NAV2: variants seen among roughly 807,000 people sequenced by gnomAD.
The protein encoded by NAV2 is neuron navigator 2.
In NAV2, 54 loss-of-function variants were observed where a neutral mutation model predicts 223.2. The ratio of observed to expected loss-of-function variants is 0.24; its 90% CI spans 0.19 to 0.30. The LOEUF (loss-of-function observed/expected upper bound fraction) is 0.30. Ranked by LOEUF, NAV2 falls within the 10% of genes least tolerant of loss-of-function variation. The pLI is 1.00. For synonymous variants in NAV2, 1,279 were observed against 1,239.3 expected, an observed-to-expected ratio of 1.03 and a Z score of -0.67; for missense variants, 2,806 against 3,147.5, an observed-to-expected ratio of 0.89 and a Z score of 2.60.
At chr11:19,639,305 G>T (rs183008677) in intron 1 of NAV2, among the ~76,000 whole-genome samples, 3 of 152,284 alleles carry the variant, frequency 2.0e-5, no homozygotes, top group Non-Finnish European at 4.4e-5. Context: ...TGGTAACCAG[G>T]CATGCTTATG....
intron 6 of NAV2, among the ~76,000 whole-genome samples, chr11:19,918,524 T>G (rs1882529): frequency 0.39 from 59,456 of 152,094 alleles, 12,263 homozygotes; most frequent in Non-Finnish European, 0.46. Context: ...ATGCCTGCTG[T>G]GTGAGCAGAG....
chr11:19,786,602 G>A (rs2057136250), intron 1 of NAV2, among the ~76,000 whole-genome samples: 1 of 152,192 alleles, frequency 6.6e-6, no homozygotes, highest in Admixed American at 6.5e-5. Flanking sequence ...TTTTTGCCAG[G>A]TCAGATTAGA....
At chr11:19,435,917 T>G (rs1851198349) in intron 1 of NAV2, among the ~76,000 whole-genome samples, 1 of 152,196 alleles carries the variant, frequency 6.6e-6, no homozygotes, top group African/African-American at 2.4e-5. Context: ...AATACGGTTA[T>G]TTGTGTTCTT....
chr11:19,828,479 C>G (rs965155979), intron 1 of NAV2, among the ~76,000 whole-genome samples: 1 of 130,736 alleles, frequency 7.6e-6, no homozygotes, highest in Non-Finnish European at 1.6e-5. Context: ...CTTAGAATTA[C>G]GTTTTCAAGG....
At chr11:19,452,774 G>A (rs1033635681) in intron 1 of NAV2, among the ~76,000 whole-genome samples, 11 of 152,064 alleles carry the variant, frequency 7.2e-5, no homozygotes, top group African/African-American at 2.4e-4. Flanking sequence ...AACAATGTAT[G>A]GGTACTCAAA....
intron 12 of NAV2, among the ~76,000 whole-genome samples, chr11:20,042,317 G>T (rs899851207): frequency 1.4e-4 from 21 of 152,170 alleles, no homozygotes; most frequent in African/African-American, 4.8e-4. Context: ...CCTGAAAAGC[G>T]TGTGTTCCTT....
chr11:19,800,672 G>GGTGTGT (rs142402876), intron 1 of NAV2, among the ~76,000 whole-genome samples: 1,686 of 145,908 alleles, frequency 0.012, 24 homozygotes, highest in South Asian at 0.06. Context: ...AAGGAGAATG[G>GGTGTGT]GTGTGTGTGT....
At position 19,713,059 on chromosome 11, in the gene NAV2, A is replaced by G. The variant is rs2049982316; in HGVS notation, c.-637A>G. Among the ~76,000 whole-genome samples the G allele has an allele frequency of 6.6e-6, 1 of 151,920 alleles. No individual in the cohort carries two copies. Among genetic ancestry groups the G allele is most frequent in the Non-Finnish European group, 1.5e-5 (1 of 68,000 alleles). On this transcript the variant is annotated 5_prime_UTR_variant, in exon 1 of 38. Coordinates refer to ENST00000349880, the MANE Select transcript of NAV2 (RefSeq NM_145117.5). The surrounding 1 kb of genome is among the most constrained non-coding windows in gnomAD (Gnocchi z 7.2). ...CTGGGCAGCGGTGACTGTCACCCCA[A>G]GAGAGACCTTTCGGGGGCTCTTGCC...
chr11:19,603,559 G>A (rs531890232), intron 1 of NAV2, among the ~76,000 whole-genome samples: 210 of 150,942 alleles, frequency 1.4e-3, no homozygotes, highest in African/African-American at 4.5e-3. Flanking sequence ...CCCGGGAGGC[G>A]GAGGTTGCAG....
intron 1 of NAV2, among the ~76,000 whole-genome samples, chr11:19,541,624 CT>C (rs1352682776): frequency 3.9e-5 from 6 of 152,310 alleles, no homozygotes; most frequent in African/African-American, 1.4e-4. Context: ...GGCCCCTTAT[CT>C]TTTTGACCCA....
At chr11:19,688,814 T>C (rs1022848475) in intron 1 of NAV2, among the ~76,000 whole-genome samples, 15 of 152,182 alleles carry the variant, frequency 9.9e-5, no homozygotes, top group African/African-American at 3.6e-4. Flanking sequence ...ACTATGAGTA[T>C]AGGCATGGTA....
chr11:19,544,716 A>C (rs72893398), intron 1 of NAV2, among the ~76,000 whole-genome samples: 123 of 152,314 alleles, frequency 8.1e-4, no homozygotes, highest in Non-Finnish European at 1.3e-3. Context: ...CACAGAAAGC[A>C]TGGAAAGTAA....
At chr11:19,426,807 G>A (rs977951599) in intron 1 of NAV2, among the ~76,000 whole-genome samples, 1 of 151,990 alleles carries the variant, frequency 6.6e-6, no homozygotes, top group African/African-American at 2.4e-5. Context: ...CTGACTCTCA[G>A]CCCTACCACA....
At chr11:19,619,568 G>T (rs1229790096) in intron 1 of NAV2, among the ~76,000 whole-genome samples, 1 of 152,178 alleles carries the variant, frequency 6.6e-6, no homozygotes, top group Non-Finnish European at 1.5e-5. Context: ...CTTTTAAGAA[G>T]TGTCTGTTCA....
intron 22 of NAV2, among the ~76,000 whole-genome samples, chr11:20,072,826 A>G (rs2059485071): frequency 6.6e-6 from 1 of 152,110 alleles, no homozygotes; most frequent in Admixed American, 6.5e-5. Context: ...CAGGTTAAGG[A>G]GATTTTGGGC....
intron 1 of NAV2, among the ~76,000 whole-genome samples, chr11:19,555,951 C>A (rs568703938): frequency 3.2e-4 from 48 of 152,086 alleles, no homozygotes; most frequent in East Asian, 2.1e-3. Context: ...GAGTGGGTCA[C>A]AGCCTGTGCA....
chr11:19,621,230 G>A (rs1351775836), intron 1 of NAV2, among the ~76,000 whole-genome samples: 1 of 152,046 alleles, frequency 6.6e-6, no homozygotes, highest in African/African-American at 2.4e-5. Flanking sequence ...CTCTTTTTTT[G>A]TTGTGTCTCT....
intron 20 of NAV2, among the ~76,000 whole-genome samples, chr11:20,067,464 C>T (rs1217281580): frequency 1.3e-5 from 2 of 151,992 alleles, no homozygotes; most frequent in Non-Finnish European, 2.9e-5. Flanking sequence ...CCTAATATTG[C>T]ATGGGACATA....
intron 6 of NAV2, among the ~76,000 whole-genome samples, chr11:19,915,400 G>T (rs1464880406): frequency 6.6e-6 from 1 of 152,134 alleles, no homozygotes; most frequent in Non-Finnish European, 1.5e-5. Context: ...ATTATTTGAA[G>T]ACTCTTCACC....
Sources: allele counts gnomAD v4.1 joint callset (sites outside exome capture counted in the v4.1 genomes callset), GRCh38; gene constraint gnomAD v4.1.1; non-coding constraint Gnocchi (gnomAD v3.1); transcripts MANE v1.5; gene names NCBI Gene and HGNC (gene_info 2026-07-23, HGNC 2026-07-21).